Variants in FCHSD2 observed in about 807,000 individuals in gnomAD.
The protein encoded by FCHSD2 is F-BAR and double SH3 domains protein 2.
In FCHSD2, 38 loss-of-function variants were observed where a neutral mutation model predicts 108.1. The observed-to-expected ratio is 0.35, with a 90% CI of 0.27 to 0.46. The LOEUF is 0.46. Ranked by LOEUF, FCHSD2 falls within the 20% of genes least tolerant of loss-of-function variation. The pLI is 1.00. For missense variants in FCHSD2, 751 were observed against 897.8 expected (o/e 0.84, Z 2.09); for synonymous variants, 279 against 314.7 (o/e 0.89, Z 1.20).
At chr11:73,127,849 T>TG (rs1389527935) in intron 2 of FCHSD2, among the ~76,000 whole-genome samples, 3 of 120,468 alleles carry the variant, frequency 2.5e-5, no homozygotes, top group Non-Finnish European at 3.5e-5. Context: ...CACTTTGGGT[T>TG]GGGGGGCGGG....
In FCHSD2 at chr11:72,888,945, A is replaced by T. The variant is rs773640595; in HGVS notation, c.1041+884T>A. Among the ~76,000 whole-genome samples the T allele has an allele frequency of 5.1e-4, 75 of 146,144 alleles. 1 individual carries two copies. Among genetic ancestry groups the T allele is most frequent in the Non-Finnish European group, 3.8e-4 (25 of 66,342 alleles). ...CCAAACATATATTTTCATGAAATCTATAATTGTGTCTTTCTTTTTTCTTTT... is the reference window on the plus strand; with the variant it reads ...CCAAACATATATTTTCATGAAATCTTTAATTGTGTCTTTCTTTTTTCTTTT... On this transcript the variant is annotated intron_variant, in intron 11 of 19. Transcript: ENST00000409418.
chr11:73,047,069 G>A (rs1858786215), intron 3 of FCHSD2, among the ~76,000 whole-genome samples: 1 of 151,588 alleles, frequency 6.6e-6, no homozygotes, highest in African/African-American at 2.4e-5. Flanking sequence ...TAAAAGACAA[G>A]ATGCAGAATA....
chr11:73,096,378 A>C (rs1388446481), intron 2 of FCHSD2, among the ~76,000 whole-genome samples: 1 of 8,586 alleles, frequency 1.2e-4, no homozygotes, highest in Admixed American at 9.0e-4. Flanking sequence ...CTGCCTCTAC[A>C]AAAAAAAAAA....
intron 3 of FCHSD2, among the ~76,000 whole-genome samples, chr11:73,044,232 G>C (rs763404219): frequency 3.6e-4 from 54 of 151,980 alleles, no homozygotes; most frequent in Non-Finnish European, 6.3e-4. Flanking sequence ...TATGATTATT[G>C]CCTCACTTAT....
chr11:72,966,634 C>T (rs886516248), intron 8 of FCHSD2, among the ~76,000 whole-genome samples: 3 of 152,100 alleles, frequency 2.0e-5, no homozygotes, highest in Non-Finnish European at 4.4e-5. Context: ...ATACATTCAA[C>T]AGATATATAT....
chr11:72,981,873 T>C (rs1360333033), intron 8 of FCHSD2, among the ~76,000 whole-genome samples: 2 of 152,130 alleles, frequency 1.3e-5, no homozygotes, highest in African/African-American at 2.4e-5. Context: ...CCTAGCTACA[T>C]GGGAGGCTGA....
intron 12 of FCHSD2, among the ~76,000 whole-genome samples, chr11:72,881,572 A>G (rs1855087691): frequency 6.6e-6 from 1 of 152,246 alleles, no homozygotes; most frequent in Non-Finnish European, 1.5e-5. Flanking sequence ...AGTGTATCAA[A>G]GTCATACCTT....
intron 5 of FCHSD2, among the ~76,000 whole-genome samples, chr11:72,999,476 C>T (rs1382747822): frequency 6.6e-6 from 1 of 151,992 alleles, no homozygotes; most frequent in Non-Finnish European, 1.5e-5. Flanking sequence ...CACGCCACCA[C>T]ACCTGGCTAA....
At chr11:72,997,121 G>C (rs1857533018) in intron 5 of FCHSD2, among the ~76,000 whole-genome samples, 3 of 152,148 alleles carry the variant, frequency 2.0e-5, no homozygotes, top group African/African-American at 7.2e-5. Context: ...TAAAAAGCAG[G>C]TGTTGGGTAA....
intron 8 of FCHSD2, chr11:72,941,008 A>T (rs1303981383): frequency 2.7e-6 from 2 of 741,604 alleles, no homozygotes; most frequent in Admixed American, 1.7e-5. Context: ...AGGCCGAAAG[A>T]GCCATGGGCT....
chr11:72,984,322 A>G lies in FCHSD2; in HGVS notation c.577-106T>C, dbSNP rs189648566. The G allele has an allele frequency of 5.9e-4, 589 of 1,005,248 alleles. 2 individuals carry two copies. In the African/African-American group the frequency reaches 8.6e-3, roughly 15 times the overall value. 62.3% of individuals were successfully genotyped at this position (1,005,248 alleles called of 1,614,324 possible). ...AATTAATGGCTCCCCAACAAGAATA[A>G]AGGTAACCACGTGCGGAAAACATTT... On this transcript the variant is annotated intron_variant, in intron 7 of 19. Coordinates refer to ENST00000409418, the MANE Select transcript of FCHSD2 (RefSeq NM_014824.3).
intron 5 of FCHSD2, among the ~76,000 whole-genome samples, chr11:72,992,725 A>T (rs1312217547): frequency 1.3e-5 from 2 of 152,222 alleles, no homozygotes; most frequent in Non-Finnish European, 2.9e-5. Context: ...CTGAAACTGG[A>T]TCCCTTCCTT....
At chr11:72,974,422 T>C (rs1445293257) in intron 8 of FCHSD2, among the ~76,000 whole-genome samples, 1 of 152,200 alleles carries the variant, frequency 6.6e-6, no homozygotes. Flanking sequence ...GTCCCACTTC[T>C]CAGTATTGTT....
chr11:73,015,882 T>G lies in FCHSD2; in HGVS notation c.169A>C (p.Met57Leu). ...AGGTATTGACTAGCCAACTTCTGCA[T>G]ACCCTGTTAAAAAATACATATTTTT... ...AAIEREYAQG[M>L]QKLASQYLKR... The change falls in exon 4 of 20, where the codon ATG (methionine) becomes CTG (leucine). Residue 57 changes from methionine (M) to leucine (L), a missense_variant. Physicochemically the swap from Met to Leu is conservative, Grantham distance 15 (BLOSUM62 2). Coordinates refer to ENST00000409418, the MANE Select transcript of FCHSD2 (RefSeq NM_014824.3). 4 of 1,574,078 alleles carry G rather than the reference T, an allele frequency of 2.5e-6. No individual in the cohort carries two copies. Among genetic ancestry groups the G allele is most frequent in the Non-Finnish European group, 3.5e-6 (4 of 1,152,078 alleles).
At chr11:73,044,064 C>T (rs1858700845) in intron 3 of FCHSD2, among the ~76,000 whole-genome samples, 1 of 152,162 alleles carries the variant, frequency 6.6e-6, no homozygotes, top group Non-Finnish European at 1.5e-5. Flanking sequence ...CAAATGAACA[C>T]AGTATATTTA....
At chr11:72,885,249 A>C (rs985738997) in intron 12 of FCHSD2, among the ~76,000 whole-genome samples, 1 of 151,930 alleles carries the variant, frequency 6.6e-6, no homozygotes, top group Non-Finnish European at 1.5e-5. Flanking sequence ...AGATTATTTT[A>C]TGCTAACAGT....
intron 2 of FCHSD2, among the ~76,000 whole-genome samples, chr11:73,133,367 A>T (rs140926660): frequency 6.6e-6 from 1 of 152,226 alleles, no homozygotes; most frequent in African/African-American, 2.4e-5. Flanking sequence ...AACAACCCAT[A>T]TCTCTGTCAA....
chr11:72,911,464 T>G (rs1278942825), intron 9 of FCHSD2, among the ~76,000 whole-genome samples: 2 of 152,198 alleles, frequency 1.3e-5, no homozygotes, highest in African/African-American at 4.8e-5. Context: ...CTTTGGTTAT[T>G]CTGGGTCTTT....
At chr11:72,905,290 T>C (rs1855604982) in intron 9 of FCHSD2, among the ~76,000 whole-genome samples, 1 of 152,220 alleles carries the variant, frequency 6.6e-6, no homozygotes, top group Non-Finnish European at 1.5e-5. Flanking sequence ...TTTTAATCTC[T>C]GTGGGTATAT....
Sources: allele counts gnomAD v4.1 joint callset (sites outside exome capture counted in the v4.1 genomes callset), GRCh38; gene constraint gnomAD v4.1.1; transcripts MANE v1.5; gene names NCBI Gene and HGNC (gene_info 2026-07-23, HGNC 2026-07-21).